The following MARCHF1 variants were observed in gnomAD, a reference collection of about 807,000 sequenced individuals.
MARCHF1 encodes the protein membrane associated ring-CH-type finger 1.
MARCHF1 carries 40 observed loss-of-function variants against 54.2 expected under a neutral mutation model. The ratio of observed to expected loss-of-function variants is 0.74; its 90% CI spans 0.57 to 0.96. The LOEUF is 0.96. Ranked by LOEUF, MARCHF1 falls within the 40% of genes least tolerant of loss-of-function variation. The pLI is 0.00. For synonymous variants in MARCHF1, 236 were observed against 236.3 expected (o/e 1.00, Z 0.01); for missense variants, 586 against 656.5 (o/e 0.89, Z 1.17).
intron 3 of MARCHF1, among the ~76,000 whole-genome samples, chr4:163,913,656 G>T (rs772080565): frequency 1.4e-4 from 22 of 152,178 alleles, no homozygotes; most frequent in Non-Finnish European, 2.6e-4. Context: ...TAAAGAGGAA[G>T]ATAACTGAGG....
chr4:164,141,848 C>T (rs1322886868), intron 1 of MARCHF1, among the ~76,000 whole-genome samples: 1 of 152,194 alleles, frequency 6.6e-6, no homozygotes, highest in South Asian at 2.1e-4. Flanking sequence ...CAGCTCCAGT[C>T]TACAGCTCCC....
chr4:164,345,521 G>A (rs112640272), intron 1 of MARCHF1, among the ~76,000 whole-genome samples: 1,541 of 151,692 alleles, frequency 0.01, 34 homozygotes, highest in African/African-American at 0.035. Flanking sequence ...AGTGAGCCAA[G>A]ATGGTGCCAC....
intron 1 of MARCHF1, among the ~76,000 whole-genome samples, chr4:164,148,702 A>C (rs1288594818): frequency 6.6e-6 from 1 of 152,150 alleles, no homozygotes; most frequent in African/African-American, 2.4e-5. Context: ...GTCCTTTAGA[A>C]AATTCTAGCT....
intron 7 of MARCHF1, among the ~76,000 whole-genome samples, chr4:163,599,120 T>C (rs1740864979): frequency 6.6e-6 from 1 of 151,958 alleles, no homozygotes; most frequent in Non-Finnish European, 1.5e-5. Flanking sequence ...AAACCCCGTC[T>C]CTACTACAAA....
chr4:163,891,699 C>A (rs899799249), intron 3 of MARCHF1, among the ~76,000 whole-genome samples: 3 of 152,096 alleles, frequency 2.0e-5, no homozygotes, highest in African/African-American at 7.2e-5. Flanking sequence ...AGTAGCGGAG[C>A]GTTGATTCCT....
At chr4:164,227,370 C>A (rs1301431133) in intron 1 of MARCHF1, among the ~76,000 whole-genome samples, 1 of 152,198 alleles carries the variant, frequency 6.6e-6, no homozygotes, top group Non-Finnish European at 1.5e-5. Flanking sequence ...CTGGTCCCAC[C>A]CTTGACACAT....
intron 3 of MARCHF1, among the ~76,000 whole-genome samples, chr4:163,904,583 A>G (rs948964800): frequency 1.8e-4 from 28 of 152,206 alleles, no homozygotes; most frequent in Admixed American, 1.8e-3. Flanking sequence ...GAAAATCCAT[A>G]CTTAGAGATT....
At chr4:164,339,141 C>T (rs1477962472) in intron 1 of MARCHF1, among the ~76,000 whole-genome samples, 1 of 151,906 alleles carries the variant, frequency 6.6e-6, no homozygotes, top group Non-Finnish European at 1.5e-5. Context: ...ACGTTAATTC[C>T]TCACTTTCAA....
intron 1 of MARCHF1, among the ~76,000 whole-genome samples, chr4:164,203,273 G>C (rs1731504845): frequency 6.6e-6 from 1 of 151,964 alleles, no homozygotes; most frequent in African/African-American, 2.4e-5. Flanking sequence ...AGAGAAAGAA[G>C]GAAAGAGAGG....
At chr4:163,645,784 A>T (rs891662822) in intron 5 of MARCHF1, among the ~76,000 whole-genome samples, 2 of 152,152 alleles carry the variant, frequency 1.3e-5, no homozygotes, top group Non-Finnish European at 2.9e-5. Flanking sequence ...AAATTTGCCA[A>T]TTCAAGGAAC....
chr4:163,823,362 A>G (rs1255295235), intron 4 of MARCHF1, among the ~76,000 whole-genome samples: 1 of 151,822 alleles, frequency 6.6e-6, no homozygotes, highest in African/African-American at 2.4e-5. Context: ...ATAATTTGTA[A>G]ATCTAATCTA....
At chr4:164,146,996 C>A (rs866692677) in intron 1 of MARCHF1, among the ~76,000 whole-genome samples, 103 of 151,472 alleles carry the variant, frequency 6.8e-4, no homozygotes, top group Non-Finnish European at 9.6e-4. Flanking sequence ...AAACAACCCC[C>A]TCAAAAAGTG....
At chr4:163,992,947 T>C (rs1023342518) in intron 2 of MARCHF1, among the ~76,000 whole-genome samples, 2 of 151,840 alleles carry the variant, frequency 1.3e-5, no homozygotes, top group African/African-American at 4.8e-5. Flanking sequence ...GAAACCTGGA[T>C]TGAATGGGTT....
intron 1 of MARCHF1, among the ~76,000 whole-genome samples, chr4:164,225,473 A>C (rs1487279364): frequency 6.6e-6 from 1 of 152,050 alleles, no homozygotes; most frequent in Admixed American, 6.6e-5. Context: ...ACTGAAATTG[A>C]AGATAGTAAA....
At chr4:163,780,776 G>A (rs1038078552) in intron 4 of MARCHF1, among the ~76,000 whole-genome samples, 6 of 152,078 alleles carry the variant, frequency 3.9e-5, no homozygotes, top group African/African-American at 9.7e-5. Context: ...CCATCTCTTC[G>A]GTGGGAAAAT....
At chr4:164,216,212 G>C (rs1731925853) in intron 1 of MARCHF1, among the ~76,000 whole-genome samples, 1 of 152,176 alleles carries the variant, frequency 6.6e-6, no homozygotes, top group Non-Finnish European at 1.5e-5. Context: ...CCATTTATTT[G>C]CCCTCAACCT....
intron 3 of MARCHF1, among the ~76,000 whole-genome samples, chr4:163,902,070 T>C (rs992422427): frequency 3.9e-5 from 6 of 152,134 alleles, no homozygotes; most frequent in Admixed American, 6.6e-5. Flanking sequence ...CCTCAAAAGA[T>C]GGGCAGTGAA....
intron 3 of MARCHF1, chr4:163,932,797 G>T (rs919767034): frequency 2.5e-5 from 15 of 608,362 alleles, no homozygotes; most frequent in South Asian, 2.0e-4. Context: ...AGATCGATCG[G>T]CACCATGGTC....
intron 2 of MARCHF1, among the ~76,000 whole-genome samples, chr4:164,008,899 C>T (rs1753355697): frequency 6.6e-6 from 1 of 151,508 alleles, no homozygotes; most frequent in African/African-American, 2.4e-5. Context: ...AAATAAACAA[C>T]CTAATAATGC....
Sources: gnomAD v4.1 joint callset for allele counts (sites outside exome capture counted in the v4.1 genomes callset) on GRCh38, gnomAD v4.1.1 for gene constraint, MANE v1.5 for transcripts, NCBI Gene and HGNC (gene_info 2026-07-23, HGNC 2026-07-21) for gene names.